APOBEC1: variants seen among roughly 807,000 people sequenced by gnomAD.
APOBEC1 encodes the protein apolipoprotein B mRNA editing enzyme catalytic subunit 1.
In APOBEC1, 22 loss-of-function variants were observed where a neutral mutation model predicts 26.3. The ratio of observed to expected loss-of-function variants is 0.84; its 90% CI spans 0.60 to 1.19. APOBEC1 has a LOEUF of 1.19. Ranked by LOEUF, APOBEC1 falls within the 50% of genes most tolerant of loss-of-function variation. The pLI is 0.00. For missense variants in APOBEC1, 253 were observed against 289.0 expected (o/e 0.88, Z 0.90); for synonymous variants, 77 against 95.3 (o/e 0.81, Z 1.12).
intron 1 of APOBEC1, among the ~76,000 whole-genome samples, chr12:7,659,294 CAAAAAAAAA>C (rs1163730869): frequency 0.016 from 266 of 16,464 alleles, 3 homozygotes; most frequent in East Asian, 0.065. Flanking sequence ...AACTCCCTCT[CAAAAAAAAA>C]AAAAAAAAAA....
At chr12:7,662,432 A>C (rs1427763223) in intron 1 of APOBEC1, among the ~76,000 whole-genome samples, 2 of 151,966 alleles carry the variant, frequency 1.3e-5, no homozygotes, top group African/African-American at 4.8e-5. Context: ...AAAATACAAA[A>C]ATTAGCCGGG....
At chr12:7,653,210 G>A (rs922003358) in intron 2 of APOBEC1, among the ~76,000 whole-genome samples, 11 of 152,012 alleles carry the variant, frequency 7.2e-5, no homozygotes, top group Non-Finnish European at 1.3e-4. Flanking sequence ...GATTACAGGC[G>A]TGAGCCACCA....
chr12:7,657,236 C>T (rs1050793399), intron 1 of APOBEC1, among the ~76,000 whole-genome samples: 3 of 152,142 alleles, frequency 2.0e-5, no homozygotes, highest in Admixed American at 6.6e-5. Flanking sequence ...TATGTTTCCT[C>T]GCCATGACTG....
Position 7,649,548 on chromosome 12 carries a change from C to A in APOBEC1, c.710G>T (p.Ter237LeuextTer3). ...GLIHPSVAWR[*>L] ...AGTACACACACGGAATCATCCTATT[C>A]ATCTCCAAGCCACAGAAGGATGTAT... Residue 237 changes from the stop codon to leucine, a stop_lost, in exon 5 of 5, where the codon TGA (stop) becomes TTA (leucine). Coordinates refer to ENST00000229304, the MANE Select transcript of APOBEC1 (RefSeq NM_001644.5). 1 of 1,613,938 alleles carries A rather than the reference C, an allele frequency of 6.2e-7. No homozygotes were observed. Among genetic ancestry groups the A allele is most frequent in the Non-Finnish European group, 8.5e-7 (1 of 1,179,946 alleles).
In APOBEC1 at chr12:7,651,070, G is replaced by T. The variant is rs148255219; in HGVS notation, c.514C>A (p.Pro172Thr). The change falls in exon 4 of 5, where the codon CCT becomes ACT. Residue 172 changes from proline to threonine, a missense_variant. Coordinates refer to ENST00000229304, the MANE Select transcript of APOBEC1 (RefSeq NM_001644.5). ...GDEAHWPQYP[P>T]LWMMLYALEL... ...AGTGCGTACAACATCATCCACAGAG[G>T]TGGGTATTGTGGCCAGTGAGCTTCA... 33 of 1,614,128 alleles carry T rather than the reference G, an allele frequency of 2.0e-5. No individual in the cohort carries two copies. In the African/African-American group the frequency reaches 4.1e-4, roughly 20 times the overall value.
chr12:7,655,208 C>T (rs1453007505), intron 1 of APOBEC1, among the ~76,000 whole-genome samples: 6 of 150,912 alleles, frequency 4.0e-5, no homozygotes, highest in African/African-American at 1.5e-4. Context: ...AACTCTGTCT[C>T]AAAAATAAAA....
chr12:7,660,329 A>AGGGAGGGAG (rs1565442267), intron 1 of APOBEC1, among the ~76,000 whole-genome samples: 1 of 121,674 alleles, frequency 8.2e-6, no homozygotes, highest in Non-Finnish European at 1.7e-5. Flanking sequence ...GAAGGAAGGA[A>AGGGAGGGAG]GGAAGGGAAG....
intron 2 of APOBEC1, 48 bp downstream of exon 2, chr12:7,654,557 T>C (rs1863687819): frequency 1.3e-6 from 2 of 1,597,210 alleles, no homozygotes; most frequent in Non-Finnish European, 1.7e-6. Context: ...TAAATACCCA[T>C]TGATTCTTGA....
chr12:7,649,474 C>A lies in APOBEC1; in HGVS notation c.*73G>T. ...GGTACCTTGTGAACATTTCTAGATT[C>A]TAAATGGCATTCACTCTTTAGTGGG... On this transcript the variant is annotated 3_prime_UTR_variant, in exon 5 of 5. Transcript: ENST00000229304. 3 of 1,507,694 alleles carry A rather than the reference C, an allele frequency of 2.0e-6. No homozygotes were observed. Among genetic ancestry groups the A allele is most frequent in the South Asian group, 2.4e-5 (2 of 82,140 alleles). The allele number at this position is 1,507,694 out of a possible 1,614,324, so 93.4% of individuals were successfully genotyped here. A position where few individuals can be genotyped will look rare whatever the true frequency, so the allele number is the denominator to read the frequency against.
intron 1 of APOBEC1, among the ~76,000 whole-genome samples, chr12:7,662,868 G>T (rs1295103155): frequency 1.3e-5 from 2 of 152,140 alleles, no homozygotes; most frequent in Non-Finnish European, 2.9e-5. Flanking sequence ...ATCAAGACCT[G>T]CAATGGAGGG....
At chr12:7,660,334 G>GGGAAGGAAGGAA (rs756648758) in intron 1 of APOBEC1, among the ~76,000 whole-genome samples, 49 of 35,748 alleles carry the variant, frequency 1.4e-3, no homozygotes, top group South Asian at 2.4e-3. Flanking sequence ...AAGGAAGGAA[G>GGGAAGGAAGGAA]GGAAGGAAGG....
chr12:7,658,970 A>AC (rs1443978869), intron 1 of APOBEC1, among the ~76,000 whole-genome samples: 1 of 144,380 alleles, frequency 6.9e-6, no homozygotes, highest in Non-Finnish European at 1.5e-5. Flanking sequence ...AAAAAAAAAA[A>AC]AGCACTTCCA....
At chr12:7,657,042 ACGTGTGTGTG>A (rs1863724197) in intron 1 of APOBEC1, among the ~76,000 whole-genome samples, 1 of 112,128 alleles carries the variant, frequency 8.9e-6, no homozygotes, top group Non-Finnish European at 1.8e-5. Context: ...TGTTGTATAT[ACGTGTGTGTG>A]TGTGTGTGTG....
In APOBEC1 at chr12:7,657,495, C is replaced by G. The variant is rs77593165; in HGVS notation, c.17-2863G>C. Among the ~76,000 whole-genome samples, 520 of 152,084 alleles carry G rather than the reference C, an allele frequency of 3.4e-3. 6 individuals carry two copies. The highest frequency in any genetic ancestry group is 0.012 in the African/African-American group (496 of 41,500). ...CCCATGAAAAGAAAGTGAGCAAGGG[C>G]TGTGGAAAACTGAAGATAAGCCTGC... On this transcript the variant is annotated intron_variant, in intron 1 of 4. Transcript: ENST00000229304.
rs1863661793 is a variant in APOBEC1 at position 7,652,751 on chromosome 12, C to T, written c.129G>A (p.Lys43=). 1.2e-6 allele frequency: 2 copies of T among 1,613,986 alleles called. No homozygotes were observed. The highest frequency in any genetic ancestry group is 2.2e-5 in the South Asian group (2 of 91,082). ...GCCAGATCTTCCGGCTCATGCCCCA[C>T]TTGATTTCGTAGAGCAGACAGGCCT... is the stretch of plus-strand genomic sequence containing the variant. ...RKEACLLYEI[K]WGMSRKIWRS... is the part of the protein sequence containing the mutation. Residue 43 remains lysine, a synonymous_variant, in exon 3 of 5, where the codon AAG becomes AAA. Transcript: ENST00000229304.
upstream of APOBEC1, among the ~76,000 whole-genome samples, chr12:7,667,573 A>G (rs1863909360): frequency 6.6e-6 from 1 of 152,180 alleles, no homozygotes. Context: ...AAGGCCCTTC[A>G]GAGACCAAGT....
chr12:7,657,043 CGTGTGTGTGTGTGTGT>C lies in APOBEC1; in HGVS notation c.17-2427_17-2412del, dbSNP rs6144603. ...TTGGTGTCCTAGTGTGTTGTATATA[CGTGTGTGTGTGTGTGT>C]GTGTGTGTGTGTGTGTGTGTGTAAA... On this transcript the variant is annotated intron_variant, in intron 1 of 4. Coordinates refer to ENST00000229304, the MANE Select transcript of APOBEC1 (RefSeq NM_001644.5). Among the ~76,000 whole-genome samples the C allele has an allele frequency of 7.8e-3, 1,161 of 148,756 alleles. 14 individuals carry two copies. Among genetic ancestry groups the C allele is most frequent in the African/African-American group, 0.027 (1,078 of 40,066 alleles).
chr12:7,652,388 T>C lies in APOBEC1; in HGVS notation c.442+50A>G, dbSNP rs762541275. On this transcript the variant is annotated intron_variant, in intron 3 of 4. Coordinates refer to ENST00000229304, the MANE Select transcript of APOBEC1 (RefSeq NM_001644.5). The stretch of plus-strand genomic sequence containing the variant: ...TCTTCTGGCCTAAAAACAGCTACTA[T>C]CACCACAGTCTGTTGTAAACAATGA... 3.3e-6 allele frequency: 5 copies of C among 1,521,016 alleles called. 1 individual carries two copies. The South Asian group carries it at 6.6e-5, about 20-fold the overall frequency. 94.2% of individuals were successfully genotyped at this position (1,521,016 alleles called of 1,614,324 possible).
chr12:7,652,137 T>G (rs1352882867), intron 3 of APOBEC1, among the ~76,000 whole-genome samples: 1 of 152,146 alleles, frequency 6.6e-6, no homozygotes, highest in Non-Finnish European at 1.5e-5. Context: ...TTTAAATTTT[T>G]TTTAGAGATG....
Sources: allele counts gnomAD v4.1 joint callset (sites outside exome capture counted in the v4.1 genomes callset), GRCh38; gene constraint gnomAD v4.1.1; transcripts MANE v1.5; gene names NCBI Gene and HGNC (gene_info 2026-07-23, HGNC 2026-07-21).